STRBP: variants seen among roughly 807,000 people sequenced by gnomAD.
STRBP encodes spermatid perinuclear RNA-binding protein.
A neutral mutation model predicts 80.1 loss-of-function variants in STRBP; 13 were observed. The observed-to-expected ratio is 0.16, with a 90% CI of 0.11 to 0.26. The LOEUF is 0.26. Ranked by LOEUF, STRBP falls within the 10% of genes least tolerant of loss-of-function variation. The probability of loss-of-function intolerance (pLI) is 1.00; values close to 1 mark genes in which losing one functional copy is unlikely to be tolerated. For synonymous variants in STRBP, 284 were observed against 291.2 expected, an observed-to-expected ratio of 0.98 and a Z score of 0.25; for missense variants, 485 against 815.2, an observed-to-expected ratio of 0.59 and a Z score of 4.93.
intron 2 of STRBP, chr9:123,116,130 G>A (rs1467516533): frequency 2.2e-6 from 1 of 455,862 alleles, no homozygotes. Flanking sequence ...AGAAAGCTGA[G>A]ACTTCCGAGA....
At chr9:123,193,821 C>G (rs1420445221) in intron 2 of STRBP, among the ~76,000 whole-genome samples, 1 of 152,140 alleles carries the variant, frequency 6.6e-6, no homozygotes, top group Non-Finnish European at 1.5e-5. Flanking sequence ...AAACTCTAAC[C>G]CTGTTAAATC....
At chr9:123,248,941 G>A (rs2040857554) in intron 1 of STRBP, among the ~76,000 whole-genome samples, 1 of 152,214 alleles carries the variant, frequency 6.6e-6, no homozygotes, top group Admixed American at 6.5e-5. Flanking sequence ...ACACTGCTCT[G>A]TCTATAAAAA....
chr9:123,150,795 C>T (rs1180801562), intron 11 of STRBP, among the ~76,000 whole-genome samples: 1 of 152,110 alleles, frequency 6.6e-6, no homozygotes, highest in Non-Finnish European at 1.5e-5. Context: ...GAACCCCCCA[C>T]ACACTGGGTT....
chr9:123,147,778 T>A lies in STRBP; in HGVS notation c.1138A>T (p.Ile380Phe). ...NKKMKRNLRK[I>F]LDSKAIDLMN... Reference sequence around the variant, plus strand: ...CTATAAGAATAAAGGTTTTACACACTTTTCCTTAAGTTTCGTTTCATCTTC... The same window carrying A: ...CTATAAGAATAAAGGTTTTACACACATTTCCTTAAGTTTCGTTTCATCTTC... The change falls in exon 12 of 19, where the codon ATT (isoleucine) becomes TTT (phenylalanine). Residue 380 changes from isoleucine (I) to phenylalanine (F), a missense_variant and splice_region_variant. By Grantham distance (21) the Ile-to-Phe change is conservative (BLOSUM62 0). Transcript: ENST00000348403. The A allele has an allele frequency of 6.2e-7, 1 of 1,605,658 alleles. No homozygotes were observed. The highest frequency in any genetic ancestry group is 1.1e-5 in the South Asian group (1 of 89,964).
chr9:123,125,193 G>A lies in STRBP; in HGVS notation c.*404C>T, dbSNP rs1225604879. 6.1e-6 allele frequency: 6 copies of A among 988,498 alleles called. No homozygotes were observed. Among genetic ancestry groups the A allele is most frequent in the Non-Finnish European group, 7.2e-6 (6 of 831,962 alleles). 61.2% of individuals were successfully genotyped at this position (988,498 alleles called of 1,614,324 possible). A position where few individuals can be genotyped will look rare whatever the true frequency, so the allele number is the denominator to read the frequency against. ...ATCAATCAACTAAGAATCAGTGACT[G>A]CATCAGGAACCAGGCAGTACTCTGT... On this transcript the variant is annotated 3_prime_UTR_variant, in exon 19 of 19. Coordinates refer to ENST00000348403, the MANE Select transcript of STRBP (RefSeq NM_018387.5).
At chr9:123,214,183 C>CAA (rs1491225406) in intron 2 of STRBP, among the ~76,000 whole-genome samples, 1 of 140,572 alleles carries the variant, frequency 7.1e-6, no homozygotes, top group Non-Finnish European at 1.5e-5. Context: ...CACACACACA[C>CAA]AAAATGGAAC....
At chr9:123,187,789 T>TA (rs2038761122) in intron 2 of STRBP, among the ~76,000 whole-genome samples, 1 of 111,116 alleles carries the variant, frequency 9.0e-6, no homozygotes, top group South Asian at 3.3e-4. Flanking sequence ...CCACCACACA[T>TA]AGTTTCTCCT....
At chr9:123,145,625 CGA>C (rs1173842053) in intron 13 of STRBP, among the ~76,000 whole-genome samples, 2 of 152,136 alleles carry the variant, frequency 1.3e-5, no homozygotes, top group Non-Finnish European at 2.9e-5. Context: ...GTTCTTAAGA[CGA>C]GAGAGTGAAT....
At chr9:123,140,550 C>T (rs1018967451) in intron 13 of STRBP, among the ~76,000 whole-genome samples, 7 of 151,914 alleles carry the variant, frequency 4.6e-5, no homozygotes, top group Non-Finnish European at 7.4e-5. Flanking sequence ...GCGGAGATTG[C>T]GCCACTGCAC....
rs529708252 is a variant in STRBP at position 123,163,821 on chromosome 9, T to C, written c.536-2753A>G. 6.6e-5 allele frequency among the ~76,000 whole-genome samples: 10 copies of C among 152,268 alleles called. No homozygotes were observed. The South Asian group carries it at 1.9e-3, about 28-fold the overall frequency. ...CTTGGTAGCAGAATCTCAACTTTAA[T>C]ATTTCTGAACTTTAATGTAGGCGTT... On this transcript the variant is annotated intron_variant, in intron 6 of 18. Transcript: ENST00000348403.
intron 2 of STRBP, among the ~76,000 whole-genome samples, chr9:123,224,292 A>G (rs1369975949): frequency 6.6e-6 from 1 of 152,162 alleles, no homozygotes; most frequent in Non-Finnish European, 1.5e-5. Context: ...AGCTGGACAC[A>G]CCTGTAACAA....
chr9:123,258,723 C>A (rs2041092054), intron 1 of STRBP, among the ~76,000 whole-genome samples: 1 of 150,688 alleles, frequency 6.6e-6, no homozygotes, highest in African/African-American at 2.5e-5. Context: ...ATGGTGTGAA[C>A]CCCGGAGGCA....
chr9:123,141,464 C>T (rs1351385126), intron 13 of STRBP, among the ~76,000 whole-genome samples: 1 of 152,140 alleles, frequency 6.6e-6, no homozygotes, highest in East Asian at 1.9e-4. Flanking sequence ...ACACCTTCTC[C>T]ACTGTCTGAG....
intron 17 of STRBP, 41 bp from the exon 18 acceptor site, chr9:123,128,299 G>A (rs1245195766): frequency 1.2e-6 from 2 of 1,613,354 alleles, no homozygotes; most frequent in Non-Finnish European, 1.7e-6. Context: ...CCAAGACCCA[G>A]GGCAATCATC....
downstream of STRBP, among the ~76,000 whole-genome samples, chr9:123,118,713 A>G (rs1038796847): frequency 2.0e-5 from 3 of 152,254 alleles, no homozygotes; most frequent in African/African-American, 7.2e-5. Context: ...CCTTAAAGGT[A>G]ACACTCAGTC....
intron 13 of STRBP, 38 bp from the exon 14 acceptor site, chr9:123,139,725 A>C: frequency 6.3e-7 from 1 of 1,593,324 alleles, no homozygotes; most frequent in Non-Finnish European, 8.5e-7. Context: ...TTATTCAGAC[A>C]CGAGAAACCA....
intron 13 of STRBP, among the ~76,000 whole-genome samples, chr9:123,141,772 T>C (rs1361439690): frequency 6.6e-6 from 1 of 152,184 alleles, no homozygotes; most frequent in Admixed American, 6.5e-5. Flanking sequence ...AACTGGTGGA[T>C]TATATCTCAG....
At chr9:123,190,382 T>C (rs1588073120) in intron 2 of STRBP, among the ~76,000 whole-genome samples, 1 of 152,070 alleles carries the variant, frequency 6.6e-6, no homozygotes, top group African/African-American at 2.4e-5. Context: ...CAACTTTCTC[T>C]ACATGGTGGC....
chr9:123,264,952 T>C (rs1288917219), intron 1 of STRBP, among the ~76,000 whole-genome samples: 1 of 152,204 alleles, frequency 6.6e-6, no homozygotes, highest in African/African-American at 2.4e-5. Flanking sequence ...GCTCACTCTA[T>C]TCATCTTATA....
Sources: gnomAD v4.1 joint callset for allele counts (sites outside exome capture counted in the v4.1 genomes callset) on GRCh38, gnomAD v4.1.1 for gene constraint, MANE v1.5 for transcripts, NCBI Gene and HGNC (gene_info 2026-07-23, HGNC 2026-07-21) for gene names.